Variants in LRRC4C observed in about 807,000 individuals in gnomAD.
LRRC4C encodes leucine-rich repeat-containing protein 4C.
LRRC4C carries 5 observed loss-of-function variants against 33.6 expected under a neutral mutation model. That is an observed-to-expected ratio of 0.15 (90% confidence interval 0.08 to 0.31). LRRC4C has a LOEUF of 0.31. LRRC4C is among the 10% of genes least tolerant of loss of function. The pLI is 1.00. For synonymous variants in LRRC4C, 329 were observed against 302.0 expected, an observed-to-expected ratio of 1.09 and a Z score of -0.93; for missense variants, 560 against 796.7, an observed-to-expected ratio of 0.70 and a Z score of 3.58.
At chr11:40,503,737 G>C (rs1954895497) in intron 3 of LRRC4C, among the ~76,000 whole-genome samples, 1 of 152,158 alleles carries the variant, frequency 6.6e-6, no homozygotes. Flanking sequence ...GTTAGGCTCA[G>C]TAGACAGTGA....
At chr11:40,699,928 T>C (rs1355285344) in intron 2 of LRRC4C, among the ~76,000 whole-genome samples, 1 of 152,158 alleles carries the variant, frequency 6.6e-6, no homozygotes, top group Non-Finnish European at 1.5e-5. Context: ...AGTTTAGAAG[T>C]CTTTTTTAAT....
chr11:41,214,773 A>G (rs1469089498), intron 1 of LRRC4C, among the ~76,000 whole-genome samples: 4 of 143,846 alleles, frequency 2.8e-5, no homozygotes, highest in African/African-American at 1.0e-4. Context: ...ATATATATAT[A>G]TACACACATA....
At chr11:40,877,871 A>G (rs1954981838) in intron 2 of LRRC4C, among the ~76,000 whole-genome samples, 1 of 152,212 alleles carries the variant, frequency 6.6e-6, no homozygotes, top group Admixed American at 6.5e-5. Context: ...TTGGAAAGCC[A>G]GTCGACACGT....
At chr11:40,212,341 C>A (rs1863662285) in intron 5 of LRRC4C, among the ~76,000 whole-genome samples, 1 of 152,008 alleles carries the variant, frequency 6.6e-6, no homozygotes, top group African/African-American at 2.4e-5. Flanking sequence ...AAAACAAACT[C>A]AATGCTTGTT....
intron 2 of LRRC4C, among the ~76,000 whole-genome samples, chr11:40,656,811 A>C (rs1943144345): frequency 8.5e-5 from 13 of 152,240 alleles, no homozygotes; most frequent in Admixed American, 8.5e-4. Flanking sequence ...TCCATATACC[A>C]CAAGGCCACC....
At chr11:40,239,622 T>C (rs1353464285) in intron 5 of LRRC4C, among the ~76,000 whole-genome samples, 2 of 152,198 alleles carry the variant, frequency 1.3e-5, no homozygotes, top group Non-Finnish European at 2.9e-5. Flanking sequence ...TCTTCTCCCT[T>C]AGTAATGGAT....
At chr11:41,431,025 T>A (rs1226074941) in intron 1 of LRRC4C, among the ~76,000 whole-genome samples, 2 of 152,112 alleles carry the variant, frequency 1.3e-5, no homozygotes, top group Non-Finnish European at 2.9e-5. Flanking sequence ...AATTACTCAA[T>A]CAGCTTAAAT....
chr11:40,911,342 A>G (rs1956675133), intron 2 of LRRC4C, among the ~76,000 whole-genome samples: 1 of 152,140 alleles, frequency 6.6e-6, no homozygotes, highest in African/African-American at 2.4e-5. Context: ...CTCCTCTGAG[A>G]CAAAACTTCC....
At chr11:40,723,103 T>A (rs1245974563) in intron 2 of LRRC4C, among the ~76,000 whole-genome samples, 1 of 152,106 alleles carries the variant, frequency 6.6e-6, no homozygotes, top group Non-Finnish European at 1.5e-5. Context: ...AATGTGGAAT[T>A]ATGTAAAGTG....
At chr11:41,338,589 T>C (rs571837238) in intron 1 of LRRC4C, among the ~76,000 whole-genome samples, 2 of 152,020 alleles carry the variant, frequency 1.3e-5, no homozygotes, top group South Asian at 2.1e-4. Context: ...CTAACACATA[T>C]GGTGCTTAAA....
At chr11:40,581,632 G>C (rs151286449) in intron 3 of LRRC4C, among the ~76,000 whole-genome samples, 2,569 of 152,238 alleles carry the variant, frequency 0.017, 90 homozygotes, top group African/African-American at 0.058. Flanking sequence ...GGCCGGGAGC[G>C]GTGGCTCATG....
At chr11:40,893,057 A>C (rs1313531840) in intron 2 of LRRC4C, among the ~76,000 whole-genome samples, 1 of 152,096 alleles carries the variant, frequency 6.6e-6, no homozygotes, top group East Asian at 1.9e-4. Context: ...AAAATAATGA[A>C]ATCCTGTCAC....
chr11:40,775,273 G>C (rs766465150), intron 2 of LRRC4C, among the ~76,000 whole-genome samples: 1 of 152,062 alleles, frequency 6.6e-6, no homozygotes, highest in Non-Finnish European at 1.5e-5. Context: ...AGCTGGGCGT[G>C]GTGGCTGGCG....
intron 4 of LRRC4C, among the ~76,000 whole-genome samples, chr11:40,288,891 C>T (rs1028767445): frequency 6.6e-6 from 1 of 152,070 alleles, no homozygotes; most frequent in Non-Finnish European, 1.5e-5. Context: ...TAATATGTGG[C>T]TAAAATGACA....
chr11:41,198,591 C>T lies in LRRC4C; in HGVS notation c.-496+260840G>A, dbSNP rs1304901324. ...CCCAGGTCCTCTGTCCAAATGAGCC[C>T]TTCTGACAAGAACAAGAAATATAGA... On this transcript the variant is annotated intron_variant, in intron 1 of 6. Transcript: ENST00000528697. Among the ~76,000 whole-genome samples, 12 of 149,926 alleles carry T rather than the reference C, an allele frequency of 8.0e-5. No individual in the cohort carries two copies. In the Admixed American group the frequency reaches 8.1e-4, roughly 10 times the overall value.
chr11:41,426,783 T>A (rs868379751), intron 1 of LRRC4C, among the ~76,000 whole-genome samples: 4 of 152,160 alleles, frequency 2.6e-5, no homozygotes, highest in Non-Finnish European at 5.9e-5. Flanking sequence ...AAGTTACTCA[T>A]ATAACTAGAG....
intron 1 of LRRC4C, among the ~76,000 whole-genome samples, chr11:41,402,902 G>A (rs888649338): frequency 4.4e-4 from 67 of 151,828 alleles, no homozygotes; most frequent in African/African-American, 1.6e-3. Context: ...ATGAATAATC[G>A]AGAGCTGAAA....
At chr11:40,832,591 TG>T (rs1451980474) in intron 2 of LRRC4C, among the ~76,000 whole-genome samples, 7 of 152,142 alleles carry the variant, frequency 4.6e-5, no homozygotes, top group Non-Finnish European at 1.0e-4. Flanking sequence ...TGAAGGCCAC[TG>T]CCACAAATGG....
intron 1 of LRRC4C, among the ~76,000 whole-genome samples, chr11:41,446,343 A>G (rs1955826767): frequency 6.6e-6 from 1 of 152,220 alleles, no homozygotes; most frequent in Admixed American, 6.5e-5. Flanking sequence ...AGTTATGCAT[A>G]TCTAACCATC....
Sources: gnomAD v4.1 joint callset for allele counts (sites outside exome capture counted in the v4.1 genomes callset) on GRCh38, gnomAD v4.1.1 for gene constraint, MANE v1.5 for transcripts, NCBI Gene and HGNC (gene_info 2026-07-23, HGNC 2026-07-21) for gene names.